ANKH: variants seen among roughly 807,000 people sequenced by gnomAD.
ANKH encodes mineralization regulator ANKH.
In ANKH, 15 loss-of-function variants were observed where a neutral mutation model predicts 49.0. The observed-to-expected ratio is 0.31, with a 90% CI of 0.20 to 0.47. The LOEUF is 0.47. ANKH is among the 20% of genes least tolerant of loss of function. The probability of loss-of-function intolerance (pLI) is 1.00; values close to 1 mark genes in which losing one functional copy is unlikely to be tolerated. For synonymous variants in ANKH, 273 were observed against 260.0 expected (o/e 1.05, Z -0.48); for missense variants, 429 against 652.0 (o/e 0.66, Z 3.72).
chr5:14,791,689 G>A (rs1335500791), intron 1 of ANKH, among the ~76,000 whole-genome samples: 1 of 152,172 alleles, frequency 6.6e-6, no homozygotes, highest in African/African-American at 2.4e-5. Context: ...AGCACCCAGT[G>A]TGTGCAAAGA....
intron 5 of ANKH, among the ~76,000 whole-genome samples, chr5:14,750,315 G>C (rs1428631627): frequency 6.6e-6 from 1 of 152,194 alleles, no homozygotes; most frequent in Non-Finnish European, 1.5e-5. Flanking sequence ...ACAACAAACA[G>C]AATGCTTTGG....
At chr5:14,756,744 A>T (rs1738897955) in intron 3 of ANKH, among the ~76,000 whole-genome samples, 1 of 151,602 alleles carries the variant, frequency 6.6e-6, no homozygotes, top group African/African-American at 2.4e-5. Flanking sequence ...CTGGCTTTAA[A>T]TATTCTCTCT....
At chr5:14,865,478 G>C (rs1228636760) in intron 1 of ANKH, among the ~76,000 whole-genome samples, 1 of 152,064 alleles carries the variant, frequency 6.6e-6, no homozygotes, top group Non-Finnish European at 1.5e-5. Flanking sequence ...AGACTGGAGG[G>C]GGAAAGTCTC....
intron 8 of ANKH, among the ~76,000 whole-genome samples, chr5:14,731,047 C>T (rs780481139): frequency 2.0e-5 from 3 of 152,164 alleles, no homozygotes; most frequent in Admixed American, 1.3e-4. Context: ...AAGCACAGAG[C>T]GAGGGGACAC....
At chr5:14,771,401 C>T (rs1376006137) in intron 1 of ANKH, among the ~76,000 whole-genome samples, 2 of 152,190 alleles carry the variant, frequency 1.3e-5, no homozygotes, top group Non-Finnish European at 2.9e-5. Context: ...GCTGACACAG[C>T]TGATCTACAT....
Position 14,751,250 on chromosome 5 carries a change from G to A in ANKH, c.517-11C>T. The A allele has an allele frequency of 6.2e-7, 1 of 1,613,836 alleles. No individual in the cohort carries two copies. The highest frequency in any genetic ancestry group is 8.5e-7 in the Non-Finnish European group (1 of 1,179,930). ...GGCTACAAAAACAACCTGAGAGAAG[G>A]GAGAACGGGAACAGGTCAGAGGGGA... On this transcript the variant is annotated splice_polypyrimidine_tract_variant and intron_variant, in intron 4 of 11. Transcript: ENST00000284268.
At chr5:14,748,238 A>C (rs879278811) in intron 6 of ANKH, among the ~76,000 whole-genome samples, 3 of 152,262 alleles carry the variant, frequency 2.0e-5, no homozygotes, top group Non-Finnish European at 2.9e-5. Flanking sequence ...TCAAAAAACA[A>C]AATCCAGGAA....
chr5:14,797,081 A>AG lies in ANKH; in HGVS notation c.97-27891dup, dbSNP rs1740413239. On this transcript the variant is annotated intron_variant, in intron 1 of 11. Coordinates refer to ENST00000284268, the MANE Select transcript of ANKH (RefSeq NM_054027.6). ...TGTTAAATCACTCTCGGGGTTGAGA[A>AG]GAAAAAAGGGGAGTCTAAAATCACA... is the stretch of plus-strand genomic sequence containing the variant. 4 of 1,350,602 alleles carry AG rather than the reference A, an allele frequency of 3.0e-6. No homozygotes were observed. The East Asian group carries it at 1.1e-4, about 37-fold the overall frequency. The allele number at this position is 1,350,602 out of a possible 1,614,324, so 83.7% of individuals were successfully genotyped here.
chr5:14,791,021 G>A (rs1400401329), intron 1 of ANKH, among the ~76,000 whole-genome samples: 1 of 152,200 alleles, frequency 6.6e-6, no homozygotes, highest in Non-Finnish European at 1.5e-5. Context: ...GCAAGGTAGA[G>A]AGTCTCAGCT....
intron 1 of ANKH, among the ~76,000 whole-genome samples, chr5:14,861,519 C>T (rs1735492458): frequency 1.3e-5 from 2 of 152,204 alleles, no homozygotes; most frequent in Non-Finnish European, 2.9e-5. Context: ...CAGAGGTCCT[C>T]ACTGGCATAT....
intron 1 of ANKH, among the ~76,000 whole-genome samples, chr5:14,780,053 C>CTTTTTTTTT (rs34249421): frequency 7.1e-6 from 1 of 141,066 alleles, no homozygotes; most frequent in Non-Finnish European, 1.5e-5. Context: ...AGGATAACAG[C>CTTTTTTTTT]TTTTTTTTTT....
chr5:14,737,496 C>T lies in ANKH; in HGVS notation c.1011+4331G>A, dbSNP rs1193746489. On this transcript the variant is annotated intron_variant, in intron 8 of 11. Coordinates refer to ENST00000284268, the MANE Select transcript of ANKH (RefSeq NM_054027.6). This position sits in a 1 kb window ranked among gnomAD's most constrained non-coding sequence, Gnocchi z 5.0. The stretch of plus-strand genomic sequence containing the variant: ...GAAGCACAGCCTTTTAGGGCACACT[C>T]ACTGTCACTGTGTTCTACAGCCAGT... 1.3e-5 allele frequency among the ~76,000 whole-genome samples: 2 copies of T among 152,220 alleles called. No individual in the cohort carries two copies. The highest frequency in any genetic ancestry group is 2.9e-5 in the Non-Finnish European group (2 of 68,042).
intron 1 of ANKH, among the ~76,000 whole-genome samples, chr5:14,811,082 C>G (rs1740869202): frequency 6.6e-6 from 1 of 152,156 alleles, no homozygotes; most frequent in Non-Finnish European, 1.5e-5. Context: ...CTCCAGTAGA[C>G]TGCACAGCCT....
At chr5:14,752,654 A>G (rs750723422) in intron 4 of ANKH, among the ~76,000 whole-genome samples, 2 of 152,188 alleles carry the variant, frequency 1.3e-5, no homozygotes, top group Non-Finnish European at 2.9e-5. Context: ...CCAAATACCA[A>G]TGGAAAAACA....
intron 1 of ANKH, among the ~76,000 whole-genome samples, chr5:14,866,615 A>G (rs1277643409): frequency 6.6e-6 from 1 of 152,214 alleles, no homozygotes; most frequent in Non-Finnish European, 1.5e-5. Context: ...TTTAAAAACT[A>G]TCTCAACATG....
intron 2 of ANKH, among the ~76,000 whole-genome samples, chr5:14,767,094 A>G (rs971504885): frequency 6.6e-6 from 1 of 152,178 alleles, no homozygotes; most frequent in Non-Finnish European, 1.5e-5. Context: ...AAGTGGTGGG[A>G]AGAATGGCTG....
At chr5:14,777,243 G>A (rs147896243) in intron 1 of ANKH, among the ~76,000 whole-genome samples, 3,871 of 152,200 alleles carry the variant, frequency 0.025, 181 homozygotes, top group African/African-American at 0.089. Context: ...CCGAGATTGC[G>A]CCATTGCACT....
intron 8 of ANKH, among the ~76,000 whole-genome samples, chr5:14,733,656 T>A (rs1464998145): frequency 6.6e-6 from 1 of 152,206 alleles, no homozygotes; most frequent in East Asian, 1.9e-4. Flanking sequence ...ATTTGGTAAT[T>A]TTTGAGGTAT....
Position 14,810,051 on chromosome 5 carries a change from G to A in ANKH, c.97-40860C>T, listed in dbSNP as rs545828173. ...TCCTGACTCTGACTTCCTGGGTCTC[G>A]GCACCACAGATAGCTTCTGCGTTTC... On this transcript the variant is annotated intron_variant, in intron 1 of 11. Coordinates refer to ENST00000284268, the MANE Select transcript of ANKH (RefSeq NM_054027.6). Among the ~76,000 whole-genome samples the A allele has an allele frequency of 2.6e-5, 4 of 152,184 alleles. No individual in the cohort carries two copies. In the East Asian group the frequency reaches 5.8e-4, roughly 22 times the overall value.
Sources: allele counts gnomAD v4.1 joint callset (sites outside exome capture counted in the v4.1 genomes callset), GRCh38; gene constraint gnomAD v4.1.1; non-coding constraint Gnocchi (gnomAD v3.1); transcripts MANE v1.5; gene names NCBI Gene and HGNC (gene_info 2026-07-23, HGNC 2026-07-21).